Variants in SMARCAL1 observed in about 807,000 individuals in gnomAD.
The protein encoded by SMARCAL1 is ATP-driven annealing helicase.
In SMARCAL1, 58 loss-of-function variants were observed where a neutral mutation model predicts 94.5. That is an observed-to-expected ratio of 0.61 (90% CI 0.50 to 0.76). The LOEUF is 0.76. Among genes scored for constraint, SMARCAL1 ranks in the 30% least tolerant of loss-of-function variants. The pLI is 0.00. For missense variants in SMARCAL1, 1,051 were observed against 1,177.9 expected (o/e 0.89, Z 1.58); for synonymous variants, 422 against 455.1 (o/e 0.93, Z 0.93).
At chr2:216,434,760 A>C (rs1694041896) in intron 8 of SMARCAL1, among the ~76,000 whole-genome samples, 1 of 151,670 alleles carries the variant, frequency 6.6e-6, no homozygotes, top group South Asian at 2.1e-4. Flanking sequence ...CGGGAGGATC[A>C]CTTGAGCCTA....
At chr2:216,421,019 C>G (rs1181069153) in intron 5 of SMARCAL1, among the ~76,000 whole-genome samples, 1 of 152,142 alleles carries the variant, frequency 6.6e-6, no homozygotes, top group Non-Finnish European at 1.5e-5. Flanking sequence ...CAAACTTTTG[C>G]GTTTCTCACA....
At chr2:216,447,367 T>C (rs980231283) in intron 11 of SMARCAL1, among the ~76,000 whole-genome samples, 4 of 152,090 alleles carry the variant, frequency 2.6e-5, no homozygotes, top group African/African-American at 9.7e-5. Flanking sequence ...CTAGTTTTAA[T>C]GGTTATGGTT....
At chr2:216,419,987 G>A (rs1286013131) in intron 4 of SMARCAL1, among the ~76,000 whole-genome samples, 1 of 132,050 alleles carries the variant, frequency 7.6e-6, no homozygotes, top group Non-Finnish European at 1.5e-5. Context: ...CATGATCACG[G>A]CACTGCACTC....
At chr2:216,438,363 A>G in intron 9 of SMARCAL1, 57 bp from the exon 10 acceptor site, 8 of 1,472,210 alleles carry the variant, frequency 5.4e-6, no homozygotes, top group Non-Finnish European at 7.6e-6. Flanking sequence ...AAAGTGACCC[A>G]TATTTCTGTC....
chr2:216,424,691 G>A (rs1026963521), intron 6 of SMARCAL1, among the ~76,000 whole-genome samples: 17 of 152,134 alleles, frequency 1.1e-4, no homozygotes, highest in East Asian at 1.9e-4. Flanking sequence ...TAAAAAAAGC[G>A]GTGGTCTTTA....
At chr2:216,466,465 A>G (rs1161076805) in intron 13 of SMARCAL1, among the ~76,000 whole-genome samples, 7 of 152,238 alleles carry the variant, frequency 4.6e-5, no homozygotes, top group East Asian at 3.8e-4. Context: ...ACAGCTAGTA[A>G]GTGGAAATTA....
At chr2:216,463,826 G>A (rs552509766) in intron 12 of SMARCAL1, among the ~76,000 whole-genome samples, 3 of 152,140 alleles carry the variant, frequency 2.0e-5, no homozygotes, top group East Asian at 3.9e-4. Flanking sequence ...GTGGAACACC[G>A]GAGGTCAGAA....
At chr2:216,418,006 T>C (rs1693638388) in intron 4 of SMARCAL1, among the ~76,000 whole-genome samples, 1 of 152,122 alleles carries the variant, frequency 6.6e-6, no homozygotes, top group Non-Finnish European at 1.5e-5. Context: ...CTGCAACCTC[T>C]GGCTTCCGGG....
chr2:216,454,633 T>C (rs1466716320), intron 12 of SMARCAL1, among the ~76,000 whole-genome samples: 1 of 152,232 alleles, frequency 6.6e-6, no homozygotes, highest in Non-Finnish European at 1.5e-5. Flanking sequence ...ATTTAGTTCT[T>C]AGAACACTGC....
chr2:216,415,533 C>A lies in SMARCAL1; in HGVS notation c.811+18C>A. ...GAATTATGGTAATGTCTTCATTTTT[C>A]AGCTGTTTTTTTTTTTTTTTCTTAT... On this transcript the variant is annotated intron_variant, in intron 3 of 17. Transcript: ENST00000357276. The A allele has an allele frequency of 4.6e-6, 7 of 1,514,174 alleles. No homozygotes were observed. The highest frequency in any genetic ancestry group is 6.3e-6 in the Non-Finnish European group (7 of 1,117,696). 93.8% of individuals were successfully genotyped at this position (1,514,174 alleles called of 1,614,324 possible). A position where few individuals can be genotyped will look rare whatever the true frequency, so the allele number is the denominator to read the frequency against.
At chr2:216,419,619 G>A (rs1430758830) in intron 4 of SMARCAL1, among the ~76,000 whole-genome samples, 3 of 152,184 alleles carry the variant, frequency 2.0e-5, no homozygotes, top group Non-Finnish European at 4.4e-5. Context: ...GATTTGTGGT[G>A]TGCTGACTTC....
intron 13 of SMARCAL1, among the ~76,000 whole-genome samples, chr2:216,467,742 C>G (rs1299088066): frequency 6.6e-6 from 1 of 151,940 alleles, no homozygotes; most frequent in African/African-American, 2.4e-5. Context: ...TTCCTTAGTC[C>G]CCTCCCTAAA....
intron 14 of SMARCAL1, among the ~76,000 whole-genome samples, chr2:216,469,047 G>T (rs1029879292): frequency 6.6e-6 from 1 of 151,764 alleles, no homozygotes; most frequent in Non-Finnish European, 1.5e-5. Context: ...AAATACTTAG[G>T]TCCCCTCAGT....
Position 216,482,944 on chromosome 2 carries a change from T to G in SMARCAL1, c.2832T>G (p.Phe944Leu). 2 of 1,614,164 alleles carry G rather than the reference T, an allele frequency of 1.2e-6. No individual in the cohort carries two copies. The highest frequency in any genetic ancestry group is 1.7e-6 in the Non-Finnish European group (2 of 1,180,016). Residue 944 changes from phenylalanine (F) to leucine (L), a missense_variant, in exon 18 of 18, where the codon TTT (phenylalanine) becomes TTG (leucine). By Grantham distance (22) the Phe-to-Leu change is conservative. Around this residue, in one of 3 missense-constraint regions of SMARCAL1, gnomAD observed 642 missense variants for 754.7 expected, o/e 0.85. Coordinates refer to ENST00000357276, the MANE Select transcript of SMARCAL1 (RefSeq NM_014140.4). This position sits in a 1 kb window ranked among gnomAD's most constrained non-coding sequence, Gnocchi z 4.3. ...SPQKKRRFEF[F>L]DNWDSFTSPL ...AGAAGAAAAGGAGATTTGAATTTTT[T>G]GATAACTGGGACAGCTTTACGTCTC...
chr2:216,420,357 C>T lies in SMARCAL1; in HGVS notation c.921C>T (p.Gly307=), dbSNP rs2106020557. ...VNLQPLEWAY[G]SSESPSTSSE... ...TGCAGCCTCTGGAATGGGCCTATGGCAGCAGCGAGTCACCCTCCACCAGCA... is the reference window on the plus strand; with the variant it reads ...TGCAGCCTCTGGAATGGGCCTATGGTAGCAGCGAGTCACCCTCCACCAGCA... The change falls in exon 5 of 18, where the codon GGC becomes GGT. Residue 307 remains glycine (G), a synonymous_variant. Transcript: ENST00000357276. 1 of 1,614,218 alleles carries T rather than the reference C, an allele frequency of 6.2e-7. No individual in the cohort carries two copies. Among genetic ancestry groups the T allele is most frequent in the Non-Finnish European group, 8.5e-7 (1 of 1,180,032 alleles).
rs760096345 is a variant in SMARCAL1, at chr2:216,428,793, G to A, written c.1334+11G>A. 3 of 1,611,690 alleles carry A rather than the reference G, an allele frequency of 1.9e-6. No individual in the cohort carries two copies. The Admixed American group carries it at 5.0e-5, about 27-fold the overall frequency. ...GAGAGCTGGAGTCAAGTAGGTTCTT[G>A]ATCTTCCTCTCTCTTCCTCTGTTGC... On this transcript the variant is annotated intron_variant, in intron 7 of 17. Transcript: ENST00000357276.
intron 14 of SMARCAL1, among the ~76,000 whole-genome samples, chr2:216,468,463 G>A (rs1336606718): frequency 2.0e-5 from 3 of 152,182 alleles, no homozygotes; most frequent in Admixed American, 1.3e-4. Flanking sequence ...ACATGGCAGT[G>A]TGCAGACATT....
chr2:216,426,722 C>T (rs1693840985), intron 6 of SMARCAL1, among the ~76,000 whole-genome samples: 1 of 152,184 alleles, frequency 6.6e-6, no homozygotes, highest in Non-Finnish European at 1.5e-5. Flanking sequence ...AACTAAGAAG[C>T]TGGGAGTGGA....
chr2:216,468,117 C>A, intron 14 of SMARCAL1, 71 bp downstream of exon 14: 2 of 1,023,476 alleles, frequency 2.0e-6, no homozygotes, highest in South Asian at 1.3e-5. Flanking sequence ...AGGCTTAGGT[C>A]AGATCCAAGC....
Sources: gnomAD v4.1 joint callset for allele counts (sites outside exome capture counted in the v4.1 genomes callset) on GRCh38, gnomAD v4.1.1 for gene constraint, gnomAD v4.1.1 regional missense constraint, Gnocchi (gnomAD v3.1) non-coding constraint, MANE v1.5 for transcripts, NCBI Gene and HGNC (gene_info 2026-07-23, HGNC 2026-07-21) for gene names.